The following DDX31 variants were observed in gnomAD, a reference collection of about 807,000 sequenced individuals.
DDX31 encodes DEAD-box helicase 31.
Under a neutral mutation model 91.3 loss-of-function variants are expected in DDX31, and 70 were observed. That is an observed-to-expected ratio of 0.77 (90% CI 0.63 to 0.94). DDX31 has a LOEUF of 0.94. DDX31 is among the 40% of genes least tolerant of loss of function. The probability of loss-of-function intolerance (pLI) is 0.00; values close to 1 mark genes in which losing one functional copy is unlikely to be tolerated. For synonymous variants in DDX31, 362 were observed against 350.6 expected, an observed-to-expected ratio of 1.03 and a Z score of -0.36; for missense variants, 902 against 925.0, an observed-to-expected ratio of 0.98 and a Z score of 0.32.
At chr9:132,665,795 C>G (rs1251585863) in intron 1 of DDX31, among the ~76,000 whole-genome samples, 2 of 152,118 alleles carry the variant, frequency 1.3e-5, no homozygotes, top group Non-Finnish European at 2.9e-5. Flanking sequence ...TAAGTACTCA[C>G]ATGTATTCTC....
chr9:132,640,693 C>T (rs907440817), intron 14 of DDX31, among the ~76,000 whole-genome samples: 13 of 151,908 alleles, frequency 8.6e-5, no homozygotes, highest in African/African-American at 3.1e-4. Context: ...TTTGTAGAGA[C>T]GGGGTCTTGC....
In DDX31 at chr9:132,662,575, A is replaced by G; in HGVS notation, c.196T>C (p.Phe66Leu). Residue 66 changes from phenylalanine (F) to leucine (L), a missense_variant, in exon 2 of 20, where the codon TTT becomes CTT. Coordinates refer to ENST00000372159, the MANE Select transcript of DDX31 (RefSeq NM_022779.9). The part of the protein sequence containing the change: ...KTSVKETQRT[F>L]KGNAQKMFSP... Reference sequence around the variant, plus strand: ...AACATTTTTTGTGCGTTCCCCTTAAAAGTCCTCTGAGTTTCTTTAACACTA... The same window carrying G: ...AACATTTTTTGTGCGTTCCCCTTAAGAGTCCTCTGAGTTTCTTTAACACTA... 1.2e-6 allele frequency: 2 copies of G among 1,614,180 alleles called. No individual in the cohort carries two copies. The highest frequency in any genetic ancestry group is 1.7e-6 in the Non-Finnish European group (2 of 1,180,014).
chr9:132,654,567 C>G (rs559273969), intron 6 of DDX31, among the ~76,000 whole-genome samples: 1 of 150,886 alleles, frequency 6.6e-6, no homozygotes, highest in South Asian at 2.1e-4. Flanking sequence ...GAGCCGAGAT[C>G]GTGCCATCGC....
chr9:132,624,077 G>A (rs909991927), intron 17 of DDX31, among the ~76,000 whole-genome samples: 3 of 141,214 alleles, frequency 2.1e-5, no homozygotes, highest in Non-Finnish European at 4.5e-5. Context: ...TGAGGCAGAA[G>A]AATCACTCGA....
At chr9:132,629,715 A>G (rs1221447361) in intron 16 of DDX31, among the ~76,000 whole-genome samples, 1 of 152,228 alleles carries the variant, frequency 6.6e-6, no homozygotes, top group Admixed American at 6.5e-5. Context: ...TGGCACACCA[A>G]GTCTAGAATC....
rs551803292 is a variant in DDX31, at chr9:132,618,878, G to A, written c.1714-437C>T. On this transcript the variant is annotated intron_variant, in intron 17 of 19. Coordinates refer to ENST00000372159, the MANE Select transcript of DDX31 (RefSeq NM_022779.9). Reference sequence around the variant, plus strand: ...AATTTCTCTTCATGAGCACTCCACAGTGACCTGCCTAACATTCTGCTTTTA... The same window carrying A: ...AATTTCTCTTCATGAGCACTCCACAATGACCTGCCTAACATTCTGCTTTTA... Among the ~76,000 whole-genome samples, 5 of 152,320 alleles carry A rather than the reference G, an allele frequency of 3.3e-5. No individual in the cohort carries two copies. In the East Asian group the frequency reaches 9.6e-4, roughly 29 times the overall value.
intron 1 of DDX31, 160 bp downstream of exon 1, chr9:132,669,700 A>T (rs1220993409): frequency 2.6e-6 from 4 of 1,533,544 alleles, no homozygotes; most frequent in Admixed American, 3.9e-5. Flanking sequence ...GGTTAGAGAC[A>T]CGTGTTTCGG....
At chr9:132,660,354 A>T (rs1445520154) in intron 4 of DDX31, among the ~76,000 whole-genome samples, 1 of 151,278 alleles carries the variant, frequency 6.6e-6, no homozygotes, top group Non-Finnish European at 1.5e-5. Context: ...AAAAAAAAAG[A>T]AAAAGAAACA....
rs1225922727 is a variant in DDX31, at chr9:132,593,017, TTTAAGG to T, written c.*1843_*1848del. ...CATAATAGAAGAGAAAGAGATTTAT[TTTAAGG>T]TTATTTAAATTTAAACAATATTAAC... On this transcript the variant is annotated 3_prime_UTR_variant, in exon 20 of 20. Coordinates refer to ENST00000372159, the MANE Select transcript of DDX31 (RefSeq NM_022779.9). The T allele has an allele frequency of 6.6e-6, 1 of 152,228 alleles. No homozygotes were observed. Among genetic ancestry groups the T allele is most frequent in the Non-Finnish European group, 1.5e-5 (1 of 68,040 alleles). 9.4% of individuals were successfully genotyped at this position (152,228 alleles called of 1,614,324 possible).
intron 17 of DDX31, among the ~76,000 whole-genome samples, chr9:132,620,287 A>T (rs1039364827): frequency 6.6e-6 from 1 of 152,124 alleles, no homozygotes. Context: ...AGAGACCTCA[A>T]GCTTAAGTGA....
chr9:132,630,549 A>G, intron 15 of DDX31, 146 bp from the exon 16 acceptor site: 1 of 771,786 alleles, frequency 1.3e-6, no homozygotes. Flanking sequence ...AGGAGAAGTC[A>G]CCCAACCCTG....
Position 132,612,225 on chromosome 9 carries a change from G to T in DDX31, c.1856C>A (p.Thr619Asn), listed in dbSNP as rs913844563. 2.4e-5 allele frequency: 38 copies of T among 1,614,090 alleles called. No individual in the cohort carries two copies. Among genetic ancestry groups the T allele is most frequent in the Non-Finnish European group, 3.2e-5 (38 of 1,180,046 alleles). The change falls in exon 19 of 20, where the codon ACC becomes AAC. Residue 619 changes from threonine (T) to asparagine (N), a missense_variant. Physicochemically the swap from Thr to Asn is moderately conservative, Grantham distance 65. Coordinates refer to ENST00000372159, the MANE Select transcript of DDX31 (RefSeq NM_022779.9). ...ALQSFIQAYA[T>N]YPRELKHIFH... ...GATGTGCTTCAGCTCCCTGGGGTAGGTGGCGTAGGCTTGGATGAAGGACTG... is the reference window on the plus strand; with the variant it reads ...GATGTGCTTCAGCTCCCTGGGGTAGTTGGCGTAGGCTTGGATGAAGGACTG...
intron 5 of DDX31, among the ~76,000 whole-genome samples, chr9:132,659,238 A>G (rs1834780645): frequency 6.6e-6 from 1 of 152,208 alleles, no homozygotes; most frequent in African/African-American, 2.4e-5. Flanking sequence ...TGGTGGGAGT[A>G]AAGGATAGCT....
chr9:132,621,139 T>C (rs920077145), intron 17 of DDX31, among the ~76,000 whole-genome samples: 1 of 152,180 alleles, frequency 6.6e-6, no homozygotes, highest in Admixed American at 6.5e-5. Flanking sequence ...ACTTTGATGA[T>C]GAAGATTTCA....
chr9:132,618,255 G>A, intron 18 of DDX31, 75 bp downstream of exon 18: 2 of 1,290,796 alleles, frequency 1.5e-6, no homozygotes, highest in Non-Finnish European at 1.1e-6. Context: ...ACCGGTTTGG[G>A]GGTATGTGGG....
At chr9:132,634,830 CA>C (rs1005205132) in intron 14 of DDX31, among the ~76,000 whole-genome samples, 1 of 152,038 alleles carries the variant, frequency 6.6e-6, no homozygotes, top group Non-Finnish European at 1.5e-5. Context: ...CCCAGCCTCC[CA>C]AAGCGTTGGG....
At position 132,648,241 on chromosome 9, in the gene DDX31, A is replaced by G; in HGVS notation, c.915T>C (p.Asn305=). ...KDITVILNAV[N]AECQKRQNVL... is the part of the protein sequence containing the mutation. ...CATTCTGTCGTTTTTGGCATTCAGC[A>G]TTTACAGCATTAAGTATCACTGTGA... Residue 305 remains asparagine, a synonymous_variant, in exon 11 of 20, where the codon AAT becomes AAC. Transcript: ENST00000372159. The G allele has an allele frequency of 1.2e-6, 2 of 1,614,086 alleles. No homozygotes were observed. Among genetic ancestry groups the G allele is most frequent in the Non-Finnish European group, 1.7e-6 (2 of 1,180,008 alleles).
intron 19 of DDX31, among the ~76,000 whole-genome samples, chr9:132,596,072 G>A (rs1322536621): frequency 6.6e-6 from 1 of 152,080 alleles, no homozygotes; most frequent in Admixed American, 6.6e-5. Context: ...ATACCAAAAC[G>A]GCAATGTCTT....
chr9:132,615,643 A>C (rs1831584026), intron 18 of DDX31, among the ~76,000 whole-genome samples: 2 of 152,212 alleles, frequency 1.3e-5, no homozygotes, highest in African/African-American at 4.8e-5. Context: ...AGACCTGAAG[A>C]TGGAGAGGAT....
Sources: allele counts gnomAD v4.1 joint callset (sites outside exome capture counted in the v4.1 genomes callset), GRCh38; gene constraint gnomAD v4.1.1; transcripts MANE v1.5; gene names NCBI Gene and HGNC (gene_info 2026-07-23, HGNC 2026-07-21).